Variants in NRG3 observed in about 807,000 individuals in gnomAD.
NRG3 encodes pro-neuregulin-3, membrane-bound isoform.
Under a neutral mutation model 66.9 loss-of-function variants are expected in NRG3, and 31 were observed. The ratio of observed to expected loss-of-function variants is 0.46; its 90% CI spans 0.35 to 0.63. The LOEUF (loss-of-function observed/expected upper bound fraction) is 0.63. Among genes scored for constraint, NRG3 ranks in the 20% least tolerant of loss-of-function variants. NRG3 has a pLI of 0.00. For synonymous variants in NRG3, 393 were observed against 359.4 expected, an observed-to-expected ratio of 1.09 and a Z score of -1.06; for missense variants, 910 against 878.9, an observed-to-expected ratio of 1.04 and a Z score of -0.45.
In NRG3 at chr10:82,087,491, A is replaced by C. The variant is rs185289365; in HGVS notation, c.823+211328A>C. On this transcript the variant is annotated intron_variant, in intron 1 of 8. Transcript: ENST00000372141. ...TCTCCCGGCCTCTCAAGTTGTTTGTAAACTCTATTTTATAGTTACAGTCCA... is the reference window on the plus strand; with the variant it reads ...TCTCCCGGCCTCTCAAGTTGTTTGTCAACTCTATTTTATAGTTACAGTCCA... Among the ~76,000 whole-genome samples the C allele has an allele frequency of 1.2e-3, 185 of 152,164 alleles. 2 individuals are homozygous for C. The highest frequency in any genetic ancestry group is 4.3e-3 in the African/African-American group (180 of 41,478).
chr10:82,138,978 G>A (rs888594425), intron 1 of NRG3, among the ~76,000 whole-genome samples: 2 of 152,038 alleles, frequency 1.3e-5, no homozygotes, highest in South Asian at 2.1e-4. Flanking sequence ...ATCTCCTTTG[G>A]CAACACCCTC....
intron 1 of NRG3, among the ~76,000 whole-genome samples, chr10:82,129,902 T>C (rs905740135): frequency 6.6e-6 from 1 of 152,094 alleles, no homozygotes; most frequent in African/African-American, 2.4e-5. Flanking sequence ...TTGACTGTAA[T>C]CACCCTATTC....
At chr10:82,460,465 A>G (rs1421230470) in intron 2 of NRG3, among the ~76,000 whole-genome samples, 1 of 152,170 alleles carries the variant, frequency 6.6e-6, no homozygotes, top group East Asian at 1.9e-4. Context: ...TATGATGAAT[A>G]TTATTATATC....
intron 1 of NRG3, among the ~76,000 whole-genome samples, chr10:82,318,663 C>T (rs926554398): frequency 3.3e-5 from 5 of 152,214 alleles, no homozygotes; most frequent in Admixed American, 6.5e-5. Context: ...GTCTTTCAGA[C>T]AGATCCACTG....
chr10:82,715,802 G>A (rs1211802878), intron 2 of NRG3, among the ~76,000 whole-genome samples: 3 of 152,030 alleles, frequency 2.0e-5, no homozygotes, highest in Non-Finnish European at 4.4e-5. Context: ...TTTTCTCACA[G>A]TTCTGGAGGC....
At chr10:81,936,891 GTACAC>G (rs1407216574) in intron 1 of NRG3, among the ~76,000 whole-genome samples, 2 of 152,170 alleles carry the variant, frequency 1.3e-5, no homozygotes, top group African/African-American at 4.8e-5. Flanking sequence ...CATGTGTACA[GTACAC>G]TAATGTTGAC....
intron 1 of NRG3, among the ~76,000 whole-genome samples, chr10:82,154,463 G>A (rs1280886138): frequency 6.6e-6 from 1 of 151,282 alleles, no homozygotes; most frequent in African/African-American, 2.4e-5. Flanking sequence ...CATGATGTGT[G>A]TGCTATTATA....
rs749016725 is a variant in NRG3 at position 81,875,903 on chromosome 10, C to A, written c.563C>A (p.Ala188Glu). The A allele has an allele frequency of 6.2e-7, 1 of 1,612,592 alleles. No homozygotes were observed. The highest frequency in any genetic ancestry group is 1.1e-5 in the South Asian group (1 of 91,070). Reference protein sequence around the residue: ...SPRSTTARNTAAPATVPSTTA... With the variant: ...SPRSTTARNTEAPATVPSTTA... ...CGCTCCACCACAGCACGGAACACTGCGGCCCCTGCGACGGTCCCGTCCACC... is the reference window on the plus strand; with the variant it reads ...CGCTCCACCACAGCACGGAACACTGAGGCCCCTGCGACGGTCCCGTCCACC... The change falls in exon 1 of 9, where the codon GCG (alanine) becomes GAG (glutamate). Residue 188 changes from alanine to glutamate, a missense_variant. Ala to Glu is a moderately radical substitution (Grantham distance 107). Transcript: ENST00000372141. The surrounding 1 kb of genome is among the most constrained non-coding windows in gnomAD (Gnocchi z 5.3).
intron 1 of NRG3, among the ~76,000 whole-genome samples, chr10:82,292,198 C>A (rs922957144): frequency 2.0e-5 from 3 of 151,548 alleles, no homozygotes; most frequent in Admixed American, 2.0e-4. Context: ...ATAGAGAGAG[C>A]AAATAAGCAC....
intron 1 of NRG3, among the ~76,000 whole-genome samples, chr10:81,878,953 A>G (rs1236090093): frequency 6.6e-6 from 1 of 152,184 alleles, no homozygotes; most frequent in Non-Finnish European, 1.5e-5. Flanking sequence ...GCTAATGGAT[A>G]ATAGGATTTT....
At chr10:82,940,478 A>C (rs2132258825) in intron 4 of NRG3, among the ~76,000 whole-genome samples, 1 of 152,224 alleles carries the variant, frequency 6.6e-6, no homozygotes, top group African/African-American at 2.4e-5. Context: ...CCTTTTACTA[A>C]GGACACAGTA....
At chr10:82,290,793 C>T (rs2079687978) in intron 1 of NRG3, among the ~76,000 whole-genome samples, 1 of 137,818 alleles carries the variant, frequency 7.3e-6, no homozygotes, top group Admixed American at 7.2e-5. Flanking sequence ...ACCACCACGC[C>T]TGGCTAATTT....
chr10:82,012,898 A>T (rs2061639188), intron 1 of NRG3, among the ~76,000 whole-genome samples: 1 of 152,168 alleles, frequency 6.6e-6, no homozygotes, highest in Non-Finnish European at 1.5e-5. Flanking sequence ...ACTATTCAAC[A>T]AATCTCTAGG....
chr10:81,992,020 T>G (rs1481798505), intron 1 of NRG3, among the ~76,000 whole-genome samples: 1 of 152,082 alleles, frequency 6.6e-6, no homozygotes, highest in African/African-American at 2.4e-5. Flanking sequence ...GATTCTCTTA[T>G]TAGAAACATA....
intron 2 of NRG3, among the ~76,000 whole-genome samples, chr10:82,630,127 A>G (rs566136637): frequency 6.6e-6 from 1 of 152,268 alleles, no homozygotes; most frequent in African/African-American, 2.4e-5. Flanking sequence ...GCTGCCTAAT[A>G]CAAACAATGG....
chr10:82,289,232 C>A (rs11598994), intron 1 of NRG3, among the ~76,000 whole-genome samples: 1 of 149,266 alleles, frequency 6.7e-6, no homozygotes, highest in Non-Finnish European at 1.5e-5. Flanking sequence ...GCTCTAGAGA[C>A]AAAGGTAACA....
rs547680622 is a variant in NRG3 at position 81,997,325 on chromosome 10, C to T, written c.823+121162C>T. On this transcript the variant is annotated intron_variant, in intron 1 of 8. Transcript: ENST00000372141. ...TTATGACTGTGGGATTTCTGCCCTC[C>T]GTGCCTGTGCAGGGTCACTATGGGA... Among the ~76,000 whole-genome samples, 309 of 152,302 alleles carry T rather than the reference C, an allele frequency of 2.0e-3. 1 individual carries two copies. Among genetic ancestry groups the T allele is most frequent in the African/African-American group, 6.8e-3 (284 of 41,552 alleles).
intron 2 of NRG3, among the ~76,000 whole-genome samples, chr10:82,567,209 T>C (rs2045464383): frequency 6.6e-6 from 1 of 151,994 alleles, no homozygotes; most frequent in Non-Finnish European, 1.5e-5. Context: ...ATTCTGTCTA[T>C]GAGGAAGTCT....
At position 82,148,505 on chromosome 10, in the gene NRG3, CT is replaced by C. The variant is rs563768009; in HGVS notation, c.824-210232del. Among the ~76,000 whole-genome samples, 53 of 152,076 alleles carry C rather than the reference CT, an allele frequency of 3.5e-4. No homozygotes were observed. In the East Asian group the frequency reaches 9.9e-3, roughly 28 times the overall value. The stretch of plus-strand genomic sequence containing the variant: ...TTTGCCGTAAGCTTAAATATCTTGT[CT>C]TATTTTTTTTTCCTACCTATTTGTC... On this transcript the variant is annotated intron_variant, in intron 1 of 8. Coordinates refer to ENST00000372141, the MANE Select transcript of NRG3 (RefSeq NM_001010848.4).
Sources: allele counts gnomAD v4.1 joint callset (sites outside exome capture counted in the v4.1 genomes callset), GRCh38; gene constraint gnomAD v4.1.1; non-coding constraint Gnocchi (gnomAD v3.1); transcripts MANE v1.5; gene names NCBI Gene and HGNC (gene_info 2026-07-23, HGNC 2026-07-21).